Variants in TUBGCP3 observed in about 807,000 individuals in gnomAD.
TUBGCP3 encodes gamma-tubulin complex component 3.
A neutral mutation model predicts 123.1 loss-of-function variants in TUBGCP3; 50 were observed. That is an observed-to-expected ratio of 0.41 (90% CI 0.32 to 0.51). The LOEUF is 0.51. TUBGCP3 is among the 20% of genes least tolerant of loss of function. The pLI is 0.36. For synonymous variants in TUBGCP3, 405 were observed against 413.9 expected (o/e 0.98, Z 0.26); for missense variants, 882 against 1,127.0 (o/e 0.78, Z 3.11).
chr13:112,602,514 T>C, the TUBGCP3 span, among the ~76,000 whole-genome samples: 1 of 152,196 alleles, frequency 6.6e-6, no homozygotes, highest in African/African-American at 2.4e-5. Context: ...TACTCCATGA[T>C]TGATTTGAAA....
At chr13:112,559,962 C>G (rs971207414) in intron 3 of TUBGCP3, among the ~76,000 whole-genome samples, 1 of 151,986 alleles carries the variant, frequency 6.6e-6, no homozygotes, top group South Asian at 2.1e-4. Flanking sequence ...TGGCGAAACC[C>G]CATCTCTACT....
At chr13:112,590,337 ATT>A (rs1408662179), upstream of TUBGCP3, among the ~76,000 whole-genome samples, 1 of 152,044 alleles carries the variant, frequency 6.6e-6, no homozygotes, top group African/African-American at 2.4e-5. Context: ...AAGATTATTG[ATT>A]TCTTGAGGAG....
intron 1 of TUBGCP3, among the ~76,000 whole-genome samples, chr13:112,585,138 A>G (rs888396811): frequency 2.0e-5 from 3 of 152,232 alleles, no homozygotes; most frequent in African/African-American, 7.2e-5. Context: ...CCTTGATTTC[A>G]TAGTACTAAA....
At chr13:112,544,251 A>T (rs576189654) in intron 11 of TUBGCP3, among the ~76,000 whole-genome samples, 2 of 152,216 alleles carry the variant, frequency 1.3e-5, no homozygotes, top group South Asian at 4.1e-4. Context: ...CAGGAGATCG[A>T]GACCATCCTG....
At chr13:112,599,344 C>T in the TUBGCP3 span, among the ~76,000 whole-genome samples, 16 of 152,324 alleles carry the variant, frequency 1.1e-4, no homozygotes, top group South Asian at 4.1e-4. Context: ...CACTTCCCTA[C>T]GGATAGAATC....
chr13:112,565,204 G>A (rs766993428), intron 2 of TUBGCP3, 26 bp from the exon 3 acceptor site: 4 of 1,601,102 alleles, frequency 2.5e-6, no homozygotes, highest in Non-Finnish European at 3.4e-6. Context: ...AAAAATAAGT[G>A]TGGTAACTAC....
chr13:112,585,069 A>G (rs533396046), intron 1 of TUBGCP3, among the ~76,000 whole-genome samples: 39 of 152,350 alleles, frequency 2.6e-4, no homozygotes, highest in African/African-American at 9.1e-4. Flanking sequence ...TTTAAAAGAT[A>G]CCTTATAAAA....
intron 1 of TUBGCP3, among the ~76,000 whole-genome samples, chr13:112,578,493 A>G (rs1314559607): frequency 3.1e-5 from 4 of 129,256 alleles, no homozygotes; most frequent in African/African-American, 1.2e-4. Context: ...CAAGAGGCGG[A>G]GCTTGCAGTG....
the TUBGCP3 span, among the ~76,000 whole-genome samples, chr13:112,602,081 C>G: frequency 6.6e-6 from 1 of 152,326 alleles, no homozygotes; most frequent in African/African-American, 2.4e-5. Flanking sequence ...TGGTGAGTAG[C>G]CTGCCCAAGT....
chr13:112,499,067 T>C lies in TUBGCP3; in HGVS notation c.2426A>G (p.Lys809Arg), dbSNP rs1183702618. ...TACCTCAATTTCACGCTGTTTCTTTTTCTCTTCAAACTGTAATCGTCTCTG... is the reference window on the plus strand; with the variant it reads ...TACCTCAATTTCACGCTGTTTCTTTCTCTCTTCAAACTGTAATCGTCTCTG... ...ELQRRLQFEEKKKQREIEGQW... is the reference protein window; with the variant it reads ...ELQRRLQFEERKKQREIEGQW... Residue 809 changes from lysine (K) to arginine (R), a missense_variant, in exon 20 of 22, where the codon AAA becomes AGA. This residue lies in a region of TUBGCP3 where 160 missense variants were observed against 220.3 expected (regional missense o/e 0.73). Transcript: ENST00000261965. 5 of 1,614,212 alleles carry C rather than the reference T, an allele frequency of 3.1e-6. No individual in the cohort carries two copies. The African/African-American group carries it at 5.3e-5, about 17-fold the overall frequency.
chr13:112,499,693 T>C (rs897635735), intron 19 of TUBGCP3, among the ~76,000 whole-genome samples: 1 of 152,092 alleles, frequency 6.6e-6, no homozygotes, highest in Non-Finnish European at 1.5e-5. Context: ...AAAAAATGTA[T>C]CATAGTTTAT....
chr13:112,504,554 A>G, intron 18 of TUBGCP3, 72 bp downstream of exon 18: 1 of 1,034,536 alleles, frequency 9.7e-7, no homozygotes, highest in Non-Finnish European at 1.5e-6. Context: ...ACACATATAT[A>G]TATATATATA....
intron 14 of TUBGCP3, among the ~76,000 whole-genome samples, chr13:112,521,253 T>C (rs1189921515): frequency 2.0e-5 from 3 of 152,230 alleles, no homozygotes; most frequent in African/African-American, 7.2e-5. Flanking sequence ...AACTTTCTTT[T>C]CTTACAAATG....
chr13:112,571,371 A>G (rs1030669872), intron 1 of TUBGCP3, among the ~76,000 whole-genome samples: 1 of 152,210 alleles, frequency 6.6e-6, no homozygotes, highest in Admixed American at 6.5e-5. Context: ...TGCATTCTCA[A>G]CGAGCAGTAA....
chr13:112,541,196 A>G (rs1170955885), intron 11 of TUBGCP3, among the ~76,000 whole-genome samples: 2 of 152,212 alleles, frequency 1.3e-5, no homozygotes. Context: ...AATAACACAT[A>G]AGGCAGAGAA....
At chr13:112,598,029 A>AG in the TUBGCP3 span, among the ~76,000 whole-genome samples, 1 of 152,192 alleles carries the variant, frequency 6.6e-6, no homozygotes, top group Non-Finnish European at 1.5e-5. Flanking sequence ...CGGAGAGCAA[A>AG]AACAGAGACA....
chr13:112,562,235 GCCTACTAGGGAATACCACCAGCCAGGA>G (rs1480499768), intron 3 of TUBGCP3, among the ~76,000 whole-genome samples: 12 of 140,330 alleles, frequency 8.6e-5, no homozygotes, highest in Non-Finnish European at 1.8e-4. Flanking sequence ...ACCAGCCAGG[GCCTACTAGGGAATACCACCAGCCAGGA>G]CCTACTAGGG....
At chr13:112,486,260 C>G in intron 21 of TUBGCP3, 109 bp from the exon 22 acceptor site, 1 of 1,353,386 alleles carries the variant, frequency 7.4e-7, no homozygotes, top group South Asian at 1.5e-5. Context: ...CCTTCCAGAT[C>G]AACAGGCCCT....
chr13:112,506,835 C>T (rs1881338222), intron 17 of TUBGCP3, among the ~76,000 whole-genome samples: 1 of 152,176 alleles, frequency 6.6e-6, no homozygotes, highest in African/African-American at 2.4e-5. Flanking sequence ...TGATGTTCAG[C>T]CGTGTTATGG....
Sources: allele counts gnomAD v4.1 joint callset (sites outside exome capture counted in the v4.1 genomes callset), GRCh38; gene constraint gnomAD v4.1.1; regional missense constraint gnomAD v4.1.1; transcripts MANE v1.5; gene names NCBI Gene and HGNC (gene_info 2026-07-23, HGNC 2026-07-21).